SCO2: variants seen among roughly 807,000 people sequenced by gnomAD.
SCO2 encodes synthesis of cytochrome C oxidase 2, also known as cytochrome c oxidase assembly factor SCO2.
For synonymous variants in SCO2, 195 were observed against 148.6 expected, an observed-to-expected ratio of 1.31 and a Z score of -2.27; for missense variants, 429 against 348.7, an observed-to-expected ratio of 1.23 and a Z score of -1.83.
upstream of SCO2, chr22:50,526,224 C>T (rs752587696): frequency 6.6e-7 from 1 of 1,516,114 alleles, no homozygotes; most frequent in Non-Finnish European, 8.8e-7. Context: ...GGCGGAAGGA[C>T]GGGGACTCCC....
chr22:50,524,647 G>A lies in SCO2; in HGVS notation c.-13-223C>T, dbSNP rs2069252572. On this transcript the variant is annotated intron_variant, in intron 1 of 1. Transcript: ENST00000395693. ...TCCTGTCCTCTACCTGGGATCACCA[G>A]CCTGTCACCGCACCCTGCCCTGCAC... 1.0e-5 allele frequency: 7 copies of A among 700,094 alleles called. No homozygotes were observed. The East Asian group carries it at 2.0e-4, about 20-fold the overall frequency. The allele number at this position is 700,094 out of a possible 1,614,324, so 43.4% of individuals were successfully genotyped here.
intron 1 of SCO2, chr22:50,524,655 C>A (rs1157205086): frequency 2.9e-6 from 2 of 694,116 alleles, no homozygotes; most frequent in South Asian, 1.5e-5. Context: ...CAGCCTGTCA[C>A]CGCACCCTGC....
chr22:50,526,225 G>T (rs756011288), upstream of SCO2: 1 of 1,518,098 alleles, frequency 6.6e-7, no homozygotes, highest in East Asian at 2.6e-5. Flanking sequence ...GCGGAAGGAC[G>T]GGGACTCCCC....
chr22:50,525,673 C>T (rs1040349002), upstream of SCO2: 7 of 1,531,588 alleles, frequency 4.6e-6, no homozygotes, highest in South Asian at 5.9e-5. Context: ...CGGAGCCCGC[C>T]GGGGGTCACG....
rs1249176482 is a variant in SCO2, at chr22:50,524,310, C to A, written c.102G>T (p.Arg34Ser). The A allele has an allele frequency of 1.2e-6, 2 of 1,602,384 alleles. No individual in the cohort carries two copies. Among genetic ancestry groups the A allele is most frequent in the Non-Finnish European group, 1.7e-6 (2 of 1,179,884 alleles). The change falls in exon 2 of 2, where the codon AGG (arginine) becomes AGT (serine). Residue 34 changes from arginine to serine, a missense_variant. By Grantham distance (110) the Arg-to-Ser change is moderately radical. Coordinates refer to ENST00000395693, the MANE Select transcript of SCO2 (RefSeq NM_005138.3). The stretch of plus-strand genomic sequence containing the variant: ...GGCCCTGCCTTGACAAAAGCCAGGA[C>A]CTCAGATGCAGGGCCTGGCCTCCCA... ...GTLGGQALHL[R>S]SWLLSRQGPA...
rs774783982 is a variant in SCO2, at chr22:50,524,365, T to A, written c.47A>T (p.Gln16Leu). The change falls in exon 2 of 2, where the codon CAG becomes CTG. Residue 16 changes from glutamine (Q) to leucine (L), a missense_variant. Physicochemically the swap from Gln to Leu is moderately radical, Grantham distance 113. Transcript: ENST00000395693. ...RSPTAWHRLS[Q>L]LKPRVLPGTL... is the part of the protein sequence containing the mutation. The stretch of plus-strand genomic sequence containing the variant: ...CCCAGGGAGGACCCGAGGCTTGAGC[T>A]GAGAGAGCCTGTGCCAAGCTGTGGG... 1 of 1,602,390 alleles carries A rather than the reference T, an allele frequency of 6.2e-7. No individual in the cohort carries two copies. The highest frequency in any genetic ancestry group is 8.5e-7 in the Non-Finnish European group (1 of 1,179,886).
upstream of SCO2, chr22:50,526,059 C>T (rs1013301590): frequency 3.2e-4 from 467 of 1,482,378 alleles, 1 homozygote; most frequent in Non-Finnish European, 3.9e-4. Flanking sequence ...CCAGGCGGAG[C>T]GGCTCCCCAG....
intron 1 of SCO2, chr22:50,524,874 C>G: frequency 2.8e-6 from 1 of 358,538 alleles, no homozygotes; most frequent in South Asian, 2.1e-5. Context: ...CCGCGGCCTT[C>G]CTCCACACTC....
rs758230136 is a variant in SCO2, at chr22:50,523,650, C to G, written c.762G>C (p.Val254=). 3 of 1,613,858 alleles carry G rather than the reference C, an allele frequency of 1.9e-6. No homozygotes were observed. In the African/African-American group the frequency reaches 4.0e-5, roughly 22 times the overall value. Residue 254 remains valine, a synonymous_variant, in exon 2 of 2, where the codon GTG becomes GTC. Transcript: ENST00000395693. ...TGCGGAAAGCCGCCATGTGCCGCCG[C>G]ACACTGTCTGAGATCTGCTCAGCCG... is the stretch of plus-strand genomic sequence containing the variant. The part of the protein sequence containing the change: ...SRSAEQISDS[V]RRHMAAFRSV...
At position 50,525,562 on chromosome 22, in the gene SCO2, G is replaced by T; in HGVS notation, c.-104C>A. On this transcript the variant is annotated 5_prime_UTR_variant, in exon 1 of 2. Coordinates refer to ENST00000395693, the MANE Select transcript of SCO2 (RefSeq NM_005138.3). ...GCTCTGCCCCGCCGGCTCAGGGAAA[G>T]CGGGCGCCACACGCTCACAGGCAGG... The T allele has an allele frequency of 1.4e-6, 1 of 715,540 alleles. No homozygotes were observed. Among genetic ancestry groups the T allele is most frequent in the Non-Finnish European group, 2.3e-6 (1 of 441,078 alleles). The allele number at this position is 715,540 out of a possible 1,614,324, so 44.3% of individuals were successfully genotyped here.
At chr22:50,526,419 C>A, upstream of SCO2, 1 of 1,507,922 alleles carries the variant, frequency 6.6e-7, no homozygotes. Flanking sequence ...CGCGGCCACC[C>A]GGGCAGCGCC....
upstream of SCO2, chr22:50,526,191 CGGGAA>C: frequency 6.8e-7 from 1 of 1,477,738 alleles, no homozygotes; most frequent in Non-Finnish European, 8.9e-7. Flanking sequence ...GGCGGGGCCT[CGGGAA>C]GGGAAGGGGA....
rs368831999 is a variant in SCO2, at chr22:50,524,291, G to C, written c.121C>G (p.Gln41Glu). 6.2e-7 allele frequency: 1 copy of C among 1,603,238 alleles called. No homozygotes were observed. The highest frequency in any genetic ancestry group is 1.7e-5 in the Admixed American group (1 of 60,020). The change falls in exon 2 of 2, where the codon CAG (glutamine) becomes GAG (glutamate). Residue 41 changes from glutamine (Q) to glutamate (E), a missense_variant. Coordinates refer to ENST00000395693, the MANE Select transcript of SCO2 (RefSeq NM_005138.3). ...TGCCCACCTGTCTCTGCAGGGCCCT[G>C]CCTTGACAAAAGCCAGGACCTCAGA... Reference protein sequence around the residue: ...LHLRSWLLSRQGPAETGGQGQ... With the variant: ...LHLRSWLLSREGPAETGGQGQ...
At chr22:50,525,628 AG>A (rs2069317106), upstream of SCO2, 3 of 1,299,532 alleles carry the variant, frequency 2.3e-6, no homozygotes, top group Non-Finnish European at 3.2e-6. Context: ...ACACGGGCGC[AG>A]CCGCTGACAG....
upstream of SCO2, chr22:50,526,297 GCC>G (rs2069371543): frequency 6.4e-7 from 1 of 1,554,772 alleles, no homozygotes; most frequent in Non-Finnish European, 8.6e-7. Context: ...GGCAGCAGCT[GCC>G]GGCGTTCTGC....
chr22:50,524,181 G>C lies in SCO2; in HGVS notation c.231C>G (p.Ala77=). 6.2e-7 allele frequency: 1 copy of C among 1,609,394 alleles called. No homozygotes were observed. The highest frequency in any genetic ancestry group is 2.2e-5 in the East Asian group (1 of 44,882). The part of the protein sequence containing the change: ...FGAGLGGAWL[A]LRAEKERLQQ... ...GCAGCCTCTCCTTCTCAGCCCTCAGGGCCAGCCAGGCCCCACCGAGTCCAG... is the reference window on the plus strand; with the variant it reads ...GCAGCCTCTCCTTCTCAGCCCTCAGCGCCAGCCAGGCCCCACCGAGTCCAG... The change falls in exon 2 of 2, where the codon GCC becomes GCG. Residue 77 remains alanine (A), a synonymous_variant. Coordinates refer to ENST00000395693, the MANE Select transcript of SCO2 (RefSeq NM_005138.3).
At chr22:50,525,946 G>T, upstream of SCO2, 3 of 1,421,306 alleles carry the variant, frequency 2.1e-6, no homozygotes, top group Non-Finnish European at 2.7e-6. Flanking sequence ...GTTAGAGGCC[G>T]CGCGGCCGGA....
chr22:50,525,113 G>A (rs1035699481), intron 1 of SCO2, among the ~76,000 whole-genome samples: 8 of 152,188 alleles, frequency 5.3e-5, no homozygotes, highest in African/African-American at 1.2e-4. Flanking sequence ...GCTAGGTGGA[G>A]GTCTCAGGAC....
intron 1 of SCO2, chr22:50,524,687 G>T: frequency 3.0e-6 from 2 of 669,262 alleles, no homozygotes; most frequent in South Asian, 3.0e-5. Flanking sequence ...ACCTCAGCAA[G>T]GTGAACCTCT....
Sources: allele counts gnomAD v4.1 joint callset (sites outside exome capture counted in the v4.1 genomes callset), GRCh38; gene constraint gnomAD v4.1.1; transcripts MANE v1.5; gene names NCBI Gene and HGNC (gene_info 2026-07-23, HGNC 2026-07-21).